The following GDPD5 variants were observed in gnomAD, a reference collection of about 807,000 sequenced individuals.
GDPD5 encodes the protein glycerophosphodiester phosphodiesterase domain containing 5.
Under a neutral mutation model 75.1 loss-of-function variants are expected in GDPD5, and 48 were observed. That is an observed-to-expected ratio of 0.64 (90% CI 0.51 to 0.81). The LOEUF is 0.81. Among genes scored for constraint, GDPD5 ranks in the 40% least tolerant of loss-of-function variants. GDPD5 has a pLI of 0.00. For synonymous variants in GDPD5, 336 were observed against 339.0 expected (o/e 0.99, Z 0.10); for missense variants, 706 against 822.6 (o/e 0.86, Z 1.73).
At chr11:75,522,248 C>T (rs560078466) in intron 1 of GDPD5, among the ~76,000 whole-genome samples, 130 of 152,316 alleles carry the variant, frequency 8.5e-4, no homozygotes, top group African/African-American at 3.0e-3. Context: ...ACATCACAAC[C>T]GTCATTTCAC....
Position 75,435,520 on chromosome 11 carries a change from C to T in GDPD5, c.1805G>A (p.Arg602Gln), listed in dbSNP as rs745910762. 8.3e-5 allele frequency: 133 copies of T among 1,607,752 alleles called. No homozygotes were observed. Among genetic ancestry groups the T allele is most frequent in the Admixed American group, 4.4e-4 (26 of 59,120 alleles). Residue 602 changes from arginine to glutamine, a missense_variant, in exon 17 of 17, where the codon CGG becomes CAG. By Grantham distance (43) the Arg-to-Gln change is conservative (BLOSUM62 1). Transcript: ENST00000336898. ...ACATGTCTTCAGCTAACGCCCACTC[C>T]GCTCTATGAGGGTCTTGGTGTGGCT... ...GGSHTKTLIE[R>Q]SGR
At chr11:75,475,075 GT>G (rs2135357734) in intron 3 of GDPD5, among the ~76,000 whole-genome samples, 1 of 152,354 alleles carries the variant, frequency 6.6e-6, no homozygotes, top group East Asian at 1.9e-4. Context: ...GGCAATGCAT[GT>G]AAACTGTTTG....
At chr11:75,494,510 G>A (rs917910253) in intron 1 of GDPD5, among the ~76,000 whole-genome samples, 1 of 152,076 alleles carries the variant, frequency 6.6e-6, no homozygotes, top group Non-Finnish European at 1.5e-5. Flanking sequence ...ACTGCATGTG[G>A]CCACAGTTCA....
intron 4 of GDPD5, among the ~76,000 whole-genome samples, chr11:75,461,124 T>C (rs1354104387): frequency 6.6e-6 from 1 of 152,108 alleles, no homozygotes; most frequent in Non-Finnish European, 1.5e-5. Flanking sequence ...TGTGTGACCA[T>C]GAATGAGTCT....
intron 3 of GDPD5, among the ~76,000 whole-genome samples, chr11:75,473,249 T>C (rs951468458): frequency 6.6e-6 from 1 of 152,020 alleles, no homozygotes; most frequent in African/African-American, 2.4e-5. Context: ...GAGGCTTATT[T>C]GTCTGTTCTG....
chr11:75,496,113 C>T (rs956666093), intron 1 of GDPD5, among the ~76,000 whole-genome samples: 1 of 152,220 alleles, frequency 6.6e-6, no homozygotes, highest in Non-Finnish European at 1.5e-5. Flanking sequence ...CAGGGTGCCC[C>T]GGGTCTTCCA....
intron 4 of GDPD5, among the ~76,000 whole-genome samples, chr11:75,458,444 G>A (rs1318752714): frequency 2.6e-5 from 4 of 152,154 alleles, no homozygotes; most frequent in Admixed American, 2.0e-4. Flanking sequence ...AGGCTGAGGC[G>A]GGCGGATCAC....
At chr11:75,508,037 G>T (rs1950440886) in intron 1 of GDPD5, 1 of 151,758 alleles carries the variant, frequency 6.6e-6, no homozygotes, top group South Asian at 2.1e-4. Context: ...CTGAGAATTA[G>T]GTACTTGTTC....
intron 6 of GDPD5, among the ~76,000 whole-genome samples, chr11:75,456,380 G>A (rs997601302): frequency 6.6e-6 from 1 of 152,196 alleles, no homozygotes; most frequent in African/African-American, 2.4e-5. Context: ...CCCGAGGCAG[G>A]GCCCCCAGAG....
At chr11:75,494,353 G>A (rs1015589750) in intron 1 of GDPD5, among the ~76,000 whole-genome samples, 1 of 151,946 alleles carries the variant, frequency 6.6e-6, no homozygotes, top group African/African-American at 2.4e-5. Context: ...AAGTGGCTGG[G>A]ATTACAGGCA....
rs2135514386 is a variant in GDPD5 at position 75,520,408 on chromosome 11, G to A, written c.-145+4802C>T. On this transcript the variant is annotated intron_variant, in intron 1 of 16. Coordinates refer to ENST00000336898, the MANE Select transcript of GDPD5 (RefSeq NM_030792.8). ...AAAAGTTGAGCAAGTTGTCCATGGGGCAGCTTGCACTGCCTCCCCTGGCCC... is the reference window on the plus strand; with the variant it reads ...AAAAGTTGAGCAAGTTGTCCATGGGACAGCTTGCACTGCCTCCCCTGGCCC... 1.3e-5 allele frequency among the ~76,000 whole-genome samples: 2 copies of A among 152,334 alleles called. 1 individual carries two copies. The highest frequency in any genetic ancestry group is 4.1e-4 in the South Asian group (2 of 4,824).
intron 6 of GDPD5, among the ~76,000 whole-genome samples, chr11:75,454,801 T>C (rs953402658): frequency 6.6e-6 from 1 of 152,280 alleles, no homozygotes; most frequent in African/African-American, 2.4e-5. Flanking sequence ...GAGGAGACTT[T>C]CTTTGTATAC....
intron 1 of GDPD5, among the ~76,000 whole-genome samples, chr11:75,499,504 T>C (rs1950268332): frequency 6.6e-6 from 1 of 152,000 alleles, no homozygotes; most frequent in African/African-American, 2.4e-5. Context: ...AGACCCTGTT[T>C]TGGTCAATCC....
intron 2 of GDPD5, among the ~76,000 whole-genome samples, chr11:75,488,295 T>C (rs1205423506): frequency 2.0e-5 from 3 of 152,126 alleles, no homozygotes; most frequent in African/African-American, 7.2e-5. Flanking sequence ...GGACTACTAT[T>C]TGGGGGTAGT....
intron 1 of GDPD5, among the ~76,000 whole-genome samples, chr11:75,496,216 C>T (rs996469951): frequency 3.9e-5 from 6 of 152,332 alleles, no homozygotes; most frequent in East Asian, 1.9e-4. Flanking sequence ...AGAAGCCCCC[C>T]GCCATCCAGC....
rs190419689 is a variant in GDPD5, at chr11:75,516,938, T to C, written c.-145+8272A>G. On this transcript the variant is annotated intron_variant, in intron 1 of 16. Transcript: ENST00000336898. Reference sequence around the variant, plus strand: ...CTTGAGCAAGCCCTGAGAATGACCTTGTATGGCAGGCGCACCTCAATGCAG... The same window carrying C: ...CTTGAGCAAGCCCTGAGAATGACCTCGTATGGCAGGCGCACCTCAATGCAG... 3.6e-4 allele frequency among the ~76,000 whole-genome samples: 55 copies of C among 152,308 alleles called. 1 individual carries two copies. The highest frequency in any genetic ancestry group is 1.3e-3 in the African/African-American group (53 of 41,562).
chr11:75,520,417 A>C (rs562625626), intron 1 of GDPD5, among the ~76,000 whole-genome samples: 8 of 152,336 alleles, frequency 5.3e-5, no homozygotes, highest in African/African-American at 1.9e-4. Context: ...GGCAGCTTGC[A>C]CTGCCTCCCC....
chr11:75,519,173 A>G (rs935729593), intron 1 of GDPD5, among the ~76,000 whole-genome samples: 3 of 152,102 alleles, frequency 2.0e-5, no homozygotes, highest in Non-Finnish European at 4.4e-5. Flanking sequence ...TGTGGAGTCC[A>G]CTGGTCCTGG....
At chr11:75,464,631 A>G (rs1372865575) in intron 3 of GDPD5, among the ~76,000 whole-genome samples, 2 of 152,198 alleles carry the variant, frequency 1.3e-5, no homozygotes, top group Non-Finnish European at 2.9e-5. Context: ...CACTTCGTAC[A>G]TAAACAGAGA....
Sources: gnomAD v4.1 joint callset for allele counts (sites outside exome capture counted in the v4.1 genomes callset) on GRCh38, gnomAD v4.1.1 for gene constraint, MANE v1.5 for transcripts, NCBI Gene and HGNC (gene_info 2026-07-23, HGNC 2026-07-21) for gene names.